The following PLPP2 variants were observed in gnomAD, a reference collection of about 807,000 sequenced individuals.
PLPP2 encodes the protein phospholipid phosphatase 2, also known as PAP2-gamma.
PLPP2 carries 29 observed loss-of-function variants against 35.2 expected under a neutral mutation model. That is an observed-to-expected ratio of 0.82 (90% CI 0.61 to 1.12). The LOEUF (loss-of-function observed/expected upper bound fraction) is 1.12. Ranked by LOEUF, PLPP2 falls within the 50% of genes most tolerant of loss-of-function variation. The pLI, the probability that PLPP2 is intolerant of heterozygous loss-of-function variation, is 0.00. For synonymous variants in PLPP2, 162 were observed against 167.0 expected (o/e 0.97, Z 0.23); for missense variants, 353 against 375.2 (o/e 0.94, Z 0.49).
intron 1 of PLPP2, chr19:291,011 T>C (rs921913776): frequency 7.8e-7 from 1 of 1,279,126 alleles, no homozygotes; most frequent in Non-Finnish European, 9.8e-7. Context: ...ACAGACTTCC[T>C]GCTGCCGGGG....
At chr19:282,862 T>C in intron 3 of PLPP2, 53 bp from the exon 4 acceptor site, 1 of 1,545,906 alleles carries the variant, frequency 6.5e-7, no homozygotes, top group East Asian at 2.2e-5. Flanking sequence ...AACCTCCCCC[T>C]TGTCCCCGCC....
Position 281,413 on chromosome 19 carries a change from T to C in PLPP2, c.842A>G (p.Tyr281Cys), listed in dbSNP as rs753058735. 1.1e-4 allele frequency: 158 copies of C among 1,483,392 alleles called. No homozygotes were observed. The Admixed American group carries it at 3.4e-3, about 32-fold the overall frequency. 91.9% of individuals were successfully genotyped at this position (1,483,392 alleles called of 1,614,324 possible). A position where few individuals can be genotyped will look rare whatever the true frequency, so the allele number is the denominator to read the frequency against. Residue 281 changes from tyrosine (Y) to cysteine (C), a missense_variant, in exon 6 of 6, where the codon TAT becomes TGT. Tyr to Cys is a radical substitution (Grantham distance 194). Transcript: ENST00000434325. ...TCAGGAGGAGGAGTGCGGGTATCCA[T>C]AGTGGTTGTGGTCAGCCTCGCCCAG... ...LTLGEADHNH[Y>C]GYPHSSS
chr19:289,692 ACT>A (rs1018454069), intron 1 of PLPP2, among the ~76,000 whole-genome samples: 84 of 151,646 alleles, frequency 5.5e-4, no homozygotes, highest in African/African-American at 2.0e-3. Context: ...ACAGGGCGAG[ACT>A]CTGTCTCAAG....
intron 1 of PLPP2, chr19:290,922 GC>G (rs1366808110): frequency 1.6e-6 from 2 of 1,225,028 alleles, no homozygotes; most frequent in South Asian, 4.1e-5. Context: ...ACCCGCGGCC[GC>G]CCCCACCTCC....
chr19:288,239 C>T lies in PLPP2; in HGVS notation c.53-68G>A, dbSNP rs773526606. Reference sequence around the variant, plus strand: ...CAGCTGGGCCTTGGGGCCCCACACACCTGCCTTGGCCTGGAGGCCTCCCAC... The same window carrying T: ...CAGCTGGGCCTTGGGGCCCCACACATCTGCCTTGGCCTGGAGGCCTCCCAC... On this transcript the variant is annotated intron_variant, in intron 1 of 5. Transcript: ENST00000434325. The T allele has an allele frequency of 3.3e-6, 5 of 1,495,190 alleles. No homozygotes were observed. The African/African-American group carries it at 7.0e-5, about 21-fold the overall frequency. 92.6% of individuals were successfully genotyped at this position (1,495,190 alleles called of 1,614,324 possible).
At chr19:288,421 A>C (rs1600084660) in intron 1 of PLPP2, 1 of 354,386 alleles carries the variant, frequency 2.8e-6, no homozygotes, top group Non-Finnish European at 5.0e-6. Context: ...GCAAACACCC[A>C]CCTTTGCACA....
rs111230410 is a variant in PLPP2, at chr19:287,786, C to T, written c.205-35G>A. The stretch of plus-strand genomic sequence containing the variant: ...CAGCCGCAGGAACCAGTGGGGGTCT[C>T]GGTCGGCCCAGGGGCCCTCACTCCT... On this transcript the variant is annotated intron_variant, in intron 2 of 5. Coordinates refer to ENST00000434325, the MANE Select transcript of PLPP2 (RefSeq NM_003712.4). This position sits in a 1 kb window ranked among gnomAD's most constrained non-coding sequence, Gnocchi z 4.3. 6,752 of 1,610,350 alleles carry T rather than the reference C, an allele frequency of 4.2e-3. 232 individuals carry two copies. The African/African-American group carries it at 0.078, about 19-fold the overall frequency.
chr19:281,311 T>C lies in PLPP2; in HGVS notation c.*77A>G. ...GAGCCCGTCCAGAGCCCTCAGTGCC[T>C]AACCAGGGCTGGAGGGACCACCTGG... On this transcript the variant is annotated 3_prime_UTR_variant, in exon 6 of 6. Coordinates refer to ENST00000434325, the MANE Select transcript of PLPP2 (RefSeq NM_003712.4). 10 of 1,277,292 alleles carry C rather than the reference T, an allele frequency of 7.8e-6. No homozygotes were observed. Among genetic ancestry groups the C allele is most frequent in the Non-Finnish European group, 1.0e-5 (10 of 995,366 alleles). 79.1% of individuals were successfully genotyped at this position (1,277,292 alleles called of 1,614,324 possible). A position where few individuals can be genotyped will look rare whatever the true frequency, so the allele number is the denominator to read the frequency against.
chr19:288,403 C>G, intron 1 of PLPP2: 1 of 405,022 alleles, frequency 2.5e-6, no homozygotes. Flanking sequence ...GCTCCTTGAA[C>G]TAACTCAGCA....
At position 291,300 on chromosome 19, in the gene PLPP2, GCA is replaced by G; in HGVS notation, c.35_36del (p.Val12AlafsTer29). 1 of 1,601,510 alleles carries G rather than the reference GCA, an allele frequency of 6.2e-7. No individual in the cohort carries two copies. The highest frequency in any genetic ancestry group is 8.5e-7 in the Non-Finnish European group (1 of 1,175,158). ...QRRWVFVLLD[V>X]LCLLVASLPF... ...AGGCTCTTACCGACCAGTAAGCACA[GCA>G]CGTCGAGCAGCACGAAGACCCACCT... On this transcript the variant is annotated frameshift_variant, in exon 1 of 6. Coordinates refer to ENST00000434325, the MANE Select transcript of PLPP2 (RefSeq NM_003712.4). LOFTEE classifies it high-confidence loss of function.
Position 281,121 on chromosome 19 carries a change from G to A in PLPP2, c.*267C>T, listed in dbSNP as rs777296327. 1.5e-4 allele frequency: 52 copies of A among 351,310 alleles called. No individual in the cohort carries two copies. Among genetic ancestry groups the A allele is most frequent in the Non-Finnish European group, 2.4e-4 (48 of 196,194 alleles). 21.8% of individuals were successfully genotyped at this position (351,310 alleles called of 1,614,324 possible). ...CAAAACAGCAACTATCTGATCTCTC[G>A]GTCCCTTCCTTAACCCCATAAAAAG... On this transcript the variant is annotated 3_prime_UTR_variant, in exon 6 of 6. Coordinates refer to ENST00000434325, the MANE Select transcript of PLPP2 (RefSeq NM_003712.4).
Position 291,395 on chromosome 19 carries a change from C to T in PLPP2, c.-59G>A, listed in dbSNP as rs1029611497. ...GTCCCGTCGCGTCCCGGCCCGGCCGCGGAGTCACGTGGCGCGGAGCCCGCC... is the reference window on the plus strand; with the variant it reads ...GTCCCGTCGCGTCCCGGCCCGGCCGTGGAGTCACGTGGCGCGGAGCCCGCC... On this transcript the variant is annotated 5_prime_UTR_variant, in exon 1 of 6. Coordinates refer to ENST00000434325, the MANE Select transcript of PLPP2 (RefSeq NM_003712.4). 1.7e-5 allele frequency: 25 copies of T among 1,465,472 alleles called. No homozygotes were observed. The highest frequency in any genetic ancestry group is 2.3e-5 in the Non-Finnish European group (25 of 1,094,566). The allele number at this position is 1,465,472 out of a possible 1,614,324, so 90.8% of individuals were successfully genotyped here. A position where few individuals can be genotyped will look rare whatever the true frequency, so the allele number is the denominator to read the frequency against.
At chr19:284,451 G>T (rs965774113) in intron 3 of PLPP2, 1 of 152,102 alleles carries the variant, frequency 6.6e-6, no homozygotes, top group African/African-American at 2.4e-5. Context: ...AGGACACCCA[G>T]ATGTTGGACT....
Position 287,953 on chromosome 19 carries a change from GC to G in PLPP2, c.204+66del. On this transcript the variant is annotated intron_variant, in intron 2 of 5. Coordinates refer to ENST00000434325, the MANE Select transcript of PLPP2 (RefSeq NM_003712.4). The surrounding 1 kb of genome is among the most constrained non-coding windows in gnomAD (Gnocchi z 4.3). ...CAGGGCTGTGCCACCCCCCCATCAG[GC>G]CCCCAGGGTAAAGCTGGCCCCACCC... is the stretch of plus-strand genomic sequence containing the variant. 1 of 1,520,070 alleles carries G rather than the reference GC, an allele frequency of 6.6e-7. No individual in the cohort carries two copies. The highest frequency in any genetic ancestry group is 8.8e-7 in the Non-Finnish European group (1 of 1,133,488). 94.2% of individuals were successfully genotyped at this position (1,520,070 alleles called of 1,614,324 possible).
At position 281,113 on chromosome 19, in the gene PLPP2, G is replaced by A. The variant is rs144347918; in HGVS notation, c.*275C>T. The A allele has an allele frequency of 8.3e-4, 281 of 338,710 alleles. No homozygotes were observed. The highest frequency in any genetic ancestry group is 5.5e-3 in the African/African-American group (262 of 47,478). 21.0% of individuals were successfully genotyped at this position (338,710 alleles called of 1,614,324 possible). Reference sequence around the variant, plus strand: ...ACATTTTACAAAACAGCAACTATCTGATCTCTCGGTCCCTTCCTTAACCCC... The same window carrying A: ...ACATTTTACAAAACAGCAACTATCTAATCTCTCGGTCCCTTCCTTAACCCC... On this transcript the variant is annotated 3_prime_UTR_variant, in exon 6 of 6. Coordinates refer to ENST00000434325, the MANE Select transcript of PLPP2 (RefSeq NM_003712.4).
At chr19:291,139 TGGTCCTCACGCGAGGTCCCCGCCTCCAG>T (rs1970382677) in intron 1 of PLPP2, 118 bp downstream of exon 1, 1 of 1,429,050 alleles carries the variant, frequency 7.0e-7, no homozygotes. Context: ...GAGGGAGGTC[TGGTCCTCACGCGAGGTCCCCGCCTCCAG>T]GGTCCTCGGA....
rs1248374579 is a variant in PLPP2, at chr19:291,322, C to T, written c.15G>A (p.Trp5Ter). 1 of 1,597,830 alleles carries T rather than the reference C, an allele frequency of 6.3e-7. No homozygotes were observed. The highest frequency in any genetic ancestry group is 8.5e-7 in the Non-Finnish European group (1 of 1,173,710). ...ACAGCACGTCGAGCAGCACGAAGAC[C>T]CACCTCCGCTGCATGGTCCCCGCGA... MQRR[W>*]VFVLLDVLCL... is the part of the protein sequence containing the mutation. The change falls in exon 1 of 6, where the codon TGG becomes TGA. Residue 5 changes from tryptophan to a stop codon, truncating the protein, a stop_gained. Coordinates refer to ENST00000434325, the MANE Select transcript of PLPP2 (RefSeq NM_003712.4). LOFTEE classifies it high-confidence loss of function.
intron 1 of PLPP2, among the ~76,000 whole-genome samples, chr19:288,866 C>T (rs958021155): frequency 2.0e-5 from 3 of 152,186 alleles, no homozygotes; most frequent in Non-Finnish European, 4.4e-5. Context: ...CTGGCCAGGG[C>T]AGATGTTTAA....
intron 5 of PLPP2, 151 bp downstream of exon 5, chr19:281,983 T>A (rs923637871): frequency 3.5e-5 from 23 of 662,498 alleles, no homozygotes; most frequent in Middle Eastern, 4.2e-4. Flanking sequence ...AGGGAAGGAC[T>A]GGGGTTGGGG....
Sources: allele counts gnomAD v4.1 joint callset (sites outside exome capture counted in the v4.1 genomes callset), GRCh38; gene constraint gnomAD v4.1.1; non-coding constraint Gnocchi (gnomAD v3.1); transcripts MANE v1.5; gene names NCBI Gene and HGNC (gene_info 2026-07-23, HGNC 2026-07-21).